The following KIF26B variants were observed in gnomAD, a reference collection of about 807,000 sequenced individuals.
KIF26B encodes kinesin family member 26B.
A neutral mutation model predicts 151.2 loss-of-function variants in KIF26B; 63 were observed. The observed-to-expected ratio is 0.42, with a 90% CI of 0.34 to 0.51. KIF26B has a LOEUF of 0.51. KIF26B is among the 20% of genes least tolerant of loss of function. The probability of loss-of-function intolerance (pLI) is 0.07; values close to 1 mark genes in which losing one functional copy is unlikely to be tolerated. For missense variants in KIF26B, 2,813 were observed against 2,913.6 expected, an observed-to-expected ratio of 0.97 and a Z score of 0.79; for synonymous variants, 1,357 against 1,262.1, an observed-to-expected ratio of 1.08 and a Z score of -1.59.
chr1:245,694,306 A>C (rs2044662226), intron 12 of KIF26B, among the ~76,000 whole-genome samples: 2 of 152,336 alleles, frequency 1.3e-5, no homozygotes, highest in South Asian at 4.1e-4. Flanking sequence ...CTCTGCTCTG[A>C]TATCTACAGT....
At position 245,646,301 on chromosome 1, in the gene KIF26B, A is replaced by G. The variant is rs373648486; in HGVS notation, c.2258+21A>G. The stretch of plus-strand genomic sequence containing the variant: ...TACAAGTAAGTGACTCTTCTACTCA[A>G]AGAATGTGGTGGGGTAAGCATGGTG... On this transcript the variant is annotated intron_variant, in intron 10 of 14. Transcript: ENST00000407071. 2.4e-5 allele frequency: 39 copies of G among 1,611,770 alleles called. No homozygotes were observed. In the African/African-American group the frequency reaches 4.7e-4, roughly 19 times the overall value.
chr1:245,155,420 C>T lies in KIF26B; in HGVS notation c.-5C>T, dbSNP rs1668411539. 1.2e-6 allele frequency: 2 copies of T among 1,609,018 alleles called. No homozygotes were observed. Among genetic ancestry groups the T allele is most frequent in the African/African-American group, 2.7e-5 (2 of 74,842 alleles). On this transcript the variant is annotated 5_prime_UTR_variant, in exon 1 of 15. Coordinates refer to ENST00000407071, the MANE Select transcript of KIF26B (RefSeq NM_018012.4). ...CTTTAGATACTCTCCTCTGGAAAAG[C>T]CACCATGAATTCGGTAGCTGGGAAT... is the stretch of plus-strand genomic sequence containing the variant.
chr1:245,349,108 C>G (rs1470005006), intron 2 of KIF26B, among the ~76,000 whole-genome samples: 1 of 152,162 alleles, frequency 6.6e-6, no homozygotes, highest in Non-Finnish European at 1.5e-5. Flanking sequence ...GTTCATGGCT[C>G]TATCGCACAA....
In KIF26B at chr1:245,348,802, C is replaced by G. The variant is rs964543588; in HGVS notation, c.466-18032C>G. ...GCCGGCCTCTTGCTGTTCCCAGTTA[C>G]GCCAACTCGCCCCCACCCAGTCCTT... On this transcript the variant is annotated intron_variant, in intron 2 of 14. Coordinates refer to ENST00000407071, the MANE Select transcript of KIF26B (RefSeq NM_018012.4). 1.4e-4 allele frequency among the ~76,000 whole-genome samples: 21 copies of G among 152,298 alleles called. No homozygotes were observed. The East Asian group carries it at 3.9e-3, about 28-fold the overall frequency.
chr1:245,510,678 C>CCT (rs939540237), intron 4 of KIF26B, among the ~76,000 whole-genome samples: 2 of 149,702 alleles, frequency 1.3e-5, no homozygotes, highest in African/African-American at 2.5e-5. Context: ...TCCCTCCCTC[C>CCT]CTCTCTCTCT....
intron 3 of KIF26B, among the ~76,000 whole-genome samples, chr1:245,403,910 C>T (rs887181012): frequency 2.6e-5 from 4 of 152,180 alleles, no homozygotes; most frequent in Non-Finnish European, 4.4e-5. Context: ...CAAGGGCTTA[C>T]TACAAGTGCT....
chr1:245,369,559 C>T (rs114383834), intron 3 of KIF26B, among the ~76,000 whole-genome samples: 1,524 of 152,286 alleles, frequency 0.01, 18 homozygotes, highest in Middle Eastern at 0.048. Context: ...CCTTTAACCC[C>T]ACAGTAGGCC....
chr1:245,355,864 C>T (rs2103003195), intron 2 of KIF26B, among the ~76,000 whole-genome samples: 1 of 152,292 alleles, frequency 6.6e-6, no homozygotes, highest in South Asian at 2.1e-4. Context: ...GTCTGAAGGC[C>T]ACAGCTGGGG....
chr1:245,362,575 C>T (rs1334012485), intron 2 of KIF26B, among the ~76,000 whole-genome samples: 1 of 152,012 alleles, frequency 6.6e-6, no homozygotes, highest in Non-Finnish European at 1.5e-5. Flanking sequence ...GAAGTAGCAT[C>T]CCCGAGCTGG....
intron 4 of KIF26B, among the ~76,000 whole-genome samples, chr1:245,530,384 A>G (rs1661334710): frequency 6.6e-6 from 1 of 152,246 alleles, no homozygotes; most frequent in African/African-American, 2.4e-5. Context: ...CCAAGCTCCC[A>G]TGTTTATTGC....
intron 4 of KIF26B, among the ~76,000 whole-genome samples, chr1:245,464,748 A>G (rs986457073): frequency 6.6e-6 from 1 of 152,080 alleles, no homozygotes; most frequent in Non-Finnish European, 1.5e-5. Context: ...AGGTTGTGGT[A>G]CCAGAGTCCA....
chr1:245,365,300 G>C (rs1020722636), intron 2 of KIF26B, among the ~76,000 whole-genome samples: 14 of 152,132 alleles, frequency 9.2e-5, no homozygotes, highest in Non-Finnish European at 2.1e-4. Flanking sequence ...ATTGTGTCTG[G>C]CTGTCTTGAG....
At chr1:245,343,133 G>A (rs1163706790) in intron 2 of KIF26B, among the ~76,000 whole-genome samples, 1 of 151,614 alleles carries the variant, frequency 6.6e-6, no homozygotes, top group African/African-American at 2.4e-5. Flanking sequence ...TGGAAAGGGA[G>A]AGCCATAAAT....
At chr1:245,229,225 G>T (rs1019254428) in intron 2 of KIF26B, among the ~76,000 whole-genome samples, 1 of 152,054 alleles carries the variant, frequency 6.6e-6, no homozygotes, top group Admixed American at 6.6e-5. Context: ...ACCCACTTCG[G>T]TCTCCCAAAG....
At position 245,602,432 on chromosome 1, in the gene KIF26B, C is replaced by A; in HGVS notation, c.1351-145C>A. 1.5e-6 allele frequency: 1 copy of A among 647,528 alleles called. No individual in the cohort carries two copies. The highest frequency in any genetic ancestry group is 2.7e-6 in the Non-Finnish European group (1 of 369,698). The allele number at this position is 647,528 out of a possible 1,614,324, so 40.1% of individuals were successfully genotyped here. A position where few individuals can be genotyped will look rare whatever the true frequency, so the allele number is the denominator to read the frequency against. On this transcript the variant is annotated intron_variant, in intron 5 of 14. Coordinates refer to ENST00000407071, the MANE Select transcript of KIF26B (RefSeq NM_018012.4). The surrounding 1 kb of genome is among the most constrained non-coding windows in gnomAD (Gnocchi z 4.5). ...CCGTGACCCACCAAGGATGATGTTGCTAATTCACTGTGCATTTCATCATAA... is the reference window on the plus strand; with the variant it reads ...CCGTGACCCACCAAGGATGATGTTGATAATTCACTGTGCATTTCATCATAA...
At chr1:245,618,078 G>C (rs1204309216) in intron 9 of KIF26B, among the ~76,000 whole-genome samples, 2 of 152,152 alleles carry the variant, frequency 1.3e-5, no homozygotes, top group African/African-American at 4.8e-5. Context: ...AGGAGGCAGG[G>C]AGGGAGGGAA....
intron 5 of KIF26B, among the ~76,000 whole-genome samples, chr1:245,549,926 A>G (rs1056707203): frequency 6.6e-6 from 1 of 152,162 alleles, no homozygotes; most frequent in Non-Finnish European, 1.5e-5. Flanking sequence ...GATTACAGGC[A>G]TATGCCACCA....
At chr1:245,415,992 C>T (rs1483704739) in intron 3 of KIF26B, among the ~76,000 whole-genome samples, 1 of 151,538 alleles carries the variant, frequency 6.6e-6, no homozygotes, top group Non-Finnish European at 1.5e-5. Context: ...ATAGGCCAGG[C>T]GCGGTGGCTC....
At chr1:245,434,470 T>C (rs551305318) in intron 4 of KIF26B, among the ~76,000 whole-genome samples, 6 of 152,312 alleles carry the variant, frequency 3.9e-5, no homozygotes, top group African/African-American at 1.4e-4. Context: ...CCCTTGGGAA[T>C]ACATGGGGAG....
Sources: allele counts gnomAD v4.1 joint callset (sites outside exome capture counted in the v4.1 genomes callset), GRCh38; gene constraint gnomAD v4.1.1; non-coding constraint Gnocchi (gnomAD v3.1); transcripts MANE v1.5; gene names NCBI Gene and HGNC (gene_info 2026-07-23, HGNC 2026-07-21).